Variants in RNPEP observed in about 807,000 individuals in gnomAD.
RNPEP encodes the protein aminopeptidase B.
A neutral mutation model predicts 70.1 loss-of-function variants in RNPEP; 57 were observed. The ratio of observed to expected loss-of-function variants is 0.81; its 90% CI spans 0.66 to 1.01. The LOEUF is 1.01. RNPEP is among the 50% of genes least tolerant of loss of function. The pLI is 0.00. For synonymous variants in RNPEP, 335 were observed against 357.4 expected, an observed-to-expected ratio of 0.94 and a Z score of 0.71; for missense variants, 787 against 852.4, an observed-to-expected ratio of 0.92 and a Z score of 0.96.
chr1:201,998,354 C>T (rs1280189152), intron 5 of RNPEP, among the ~76,000 whole-genome samples: 4 of 150,068 alleles, frequency 2.7e-5, no homozygotes, highest in Non-Finnish European at 5.9e-5. Context: ...TGCCTCAGCT[C>T]CCCCACATCC....
Position 201,996,170 on chromosome 1 carries a change from G to T in RNPEP, c.761G>T (p.Cys254Phe). Residue 254 changes from cysteine to phenylalanine, a missense_variant, in exon 4 of 11, where the codon TGC becomes TTC. Physicochemically the swap from Cys to Phe is radical, Grantham distance 205. Coordinates refer to ENST00000295640, the MANE Select transcript of RNPEP (RefSeq NM_020216.4). ...GPRSRVWAEP[C>F]LIDAAKEEYN... ...AGGAGCCGGGTGTGGGCTGAGCCCT[G>T]CCTGATTGATGCTGCCAAGGAGGAG... The T allele has an allele frequency of 3.7e-6, 6 of 1,614,154 alleles. No individual in the cohort carries two copies. Among genetic ancestry groups the T allele is most frequent in the South Asian group, 2.2e-5 (2 of 91,082 alleles).
intron 6 of RNPEP, 177 bp from the exon 7 acceptor site, chr1:202,001,197 TGA>T: frequency 1.7e-6 from 1 of 598,878 alleles, no homozygotes; most frequent in Non-Finnish European, 3.0e-6. Flanking sequence ...GTCTTGGCCT[TGA>T]GAGAGTCCAA....
In RNPEP at chr1:202,005,963, G is replaced by T. The variant is rs539782312; in HGVS notation, c.*247G>T. 8.2e-5 allele frequency: 41 copies of T among 497,130 alleles called. No homozygotes were observed. Among genetic ancestry groups the T allele is most frequent in the African/African-American group, 7.4e-4 (39 of 52,742 alleles). The allele number at this position is 497,130 out of a possible 1,614,324, so 30.8% of individuals were successfully genotyped here. A position where few individuals can be genotyped will look rare whatever the true frequency, so the allele number is the denominator to read the frequency against. On this transcript the variant is annotated 3_prime_UTR_variant, in exon 11 of 11. Coordinates refer to ENST00000295640, the MANE Select transcript of RNPEP (RefSeq NM_020216.4). Reference sequence around the variant, plus strand: ...CTCCCCGCTACAGGCTGCAGGCACTGCAGGGCAGCGGGTATTCTCCTCCCC... The same window carrying T: ...CTCCCCGCTACAGGCTGCAGGCACTTCAGGGCAGCGGGTATTCTCCTCCCC...
Position 202,003,434 on chromosome 1 carries a change from A to ATT in RNPEP, c.1625_1626insTT (p.Leu543SerfsTer12). The ATT allele has an allele frequency of 6.2e-7, 1 of 1,613,732 alleles. No individual in the cohort carries two copies. Among genetic ancestry groups the ATT allele is most frequent in the East Asian group, 2.2e-5 (1 of 44,868 alleles). On this transcript the variant is annotated frameshift_variant, in exon 9 of 11. Coordinates refer to ENST00000295640, the MANE Select transcript of RNPEP (RefSeq NM_020216.4). LOFTEE classifies it high-confidence loss of function. ...CCAGCTGGTCTACTTCCTGGATAAG[A>ATT]TCCTCCAGAAATCCCCTCTCCCTCC...
At chr1:202,003,510 CAG>C in intron 9 of RNPEP, 49 bp downstream of exon 9, 1 of 1,358,632 alleles carries the variant, frequency 7.4e-7, no homozygotes, top group South Asian at 1.2e-5. Flanking sequence ...AGCTTTATGT[CAG>C]GGGCTAGAGG....
chr1:202,000,357 A>T (rs1683747251), intron 6 of RNPEP: 3 of 200,168 alleles, frequency 1.5e-5, no homozygotes. Context: ...GCCTTATTTT[A>T]CAGAGGATGG....
intron 5 of RNPEP, among the ~76,000 whole-genome samples, chr1:201,998,015 G>A (rs1322201566): frequency 1.3e-5 from 2 of 152,074 alleles, no homozygotes; most frequent in East Asian, 1.9e-4. Context: ...CAACCTCCTC[G>A]GCCTCTCAAA....
At position 202,001,491 on chromosome 1, in the gene RNPEP, A is replaced by G; in HGVS notation, c.1317+3A>G. The G allele has an allele frequency of 6.3e-7, 1 of 1,596,566 alleles. No individual in the cohort carries two copies. ...ATCAGTTTGACAGTTTTCTCAAGGT[A>G]TAGTCACATGAGGGGAGAAGGAAGA... On this transcript the variant is annotated splice_donor_region_variant and intron_variant, in intron 7 of 10. Transcript: ENST00000295640.
chr1:201,991,922 T>C (rs1683349699), intron 3 of RNPEP, among the ~76,000 whole-genome samples: 1 of 152,134 alleles, frequency 6.6e-6, no homozygotes, highest in African/African-American at 2.4e-5. Context: ...TGCCGTCCCA[T>C]GATCTTTTTC....
rs34549362 is a variant in RNPEP, at chr1:201,998,230, C to CTTT, written c.1090+695_1090+697dup. On this transcript the variant is annotated intron_variant, in intron 5 of 10. Transcript: ENST00000295640. ...TAGAAACATAATTTCTGGGTCTGAA[C>CTTT]TTTTTTTTTTTTTTTTTTTTTGAGA... is the stretch of plus-strand genomic sequence containing the variant. Among the ~76,000 whole-genome samples, 146 of 116,610 alleles carry CTTT rather than the reference C, an allele frequency of 1.3e-3. 2 individuals carry two copies. The highest frequency in any genetic ancestry group is 3.8e-3 in the South Asian group (14 of 3,660). 76.5% of individuals were successfully genotyped at this position (116,610 alleles called of 152,430 possible).
In RNPEP at chr1:201,993,736, G is replaced by A. The variant is rs538371430; in HGVS notation, c.738-2411G>A. On this transcript the variant is annotated intron_variant, in intron 3 of 10. Transcript: ENST00000295640. ...GGAGCTTGCAGTGAGCCGAGATCGC[G>A]CCACTGCACTCCAGCCTGGGCAACA... 1.1e-4 allele frequency among the ~76,000 whole-genome samples: 17 copies of A among 151,720 alleles called. No individual in the cohort carries two copies. In the South Asian group the frequency reaches 1.7e-3, roughly 15 times the overall value.
At position 202,001,640 on chromosome 1, in the gene RNPEP, G is replaced by A. The variant is rs1314047641; in HGVS notation, c.1318-19G>A. 1 of 1,591,486 alleles carries A rather than the reference G, an allele frequency of 6.3e-7. No individual in the cohort carries two copies. ...CCCACGGGGCCAGAGAGGGTCTAAA[G>A]AGCTTTCCCTCCTCACAGGCCTATG... On this transcript the variant is annotated intron_variant, in intron 7 of 10. Coordinates refer to ENST00000295640, the MANE Select transcript of RNPEP (RefSeq NM_020216.4).
chr1:202,000,445 T>C (rs1035894555), intron 6 of RNPEP: 2 of 153,488 alleles, frequency 1.3e-5, no homozygotes, highest in Non-Finnish European at 2.9e-5. Flanking sequence ...GAGATCCGGG[T>C]CCTCTCTCCA....
At chr1:201,984,821 C>CTTTTTTTTTTTTTTTTTTTTTTT (rs200795347) in intron 1 of RNPEP, among the ~76,000 whole-genome samples, 4 of 121,994 alleles carry the variant, frequency 3.3e-5, no homozygotes, top group Non-Finnish European at 5.1e-5. Flanking sequence ...GTATTTCTTT[C>CTTTTTTTTTTTTTTTTTTTTTTT]TTTTTTTTTT....
chr1:201,996,462 TC>T, intron 4 of RNPEP, 199 bp downstream of exon 4: 1 of 563,142 alleles, frequency 1.8e-6, no homozygotes, highest in South Asian at 2.0e-5. Flanking sequence ...GAGATGAGGT[TC>T]TTTGTGTGTG....
chr1:201,989,638 G>A (rs1281093406), intron 3 of RNPEP, 107 bp downstream of exon 3: 8 of 1,205,542 alleles, frequency 6.6e-6, no homozygotes, highest in African/African-American at 1.5e-5. Context: ...TGGATCCTCT[G>A]TCTGAGTCCA....
In RNPEP at chr1:201,997,478, C is replaced by T. The variant is rs570330224; in HGVS notation, c.1014C>T (p.Asn338=). 134 of 1,614,118 alleles carry T rather than the reference C, an allele frequency of 8.3e-5. 1 individual carries two copies. Among genetic ancestry groups the T allele is most frequent in the African/African-American group, 2.0e-4 (15 of 75,014 alleles). ...SHSWFGNLVT[N]ANWGEFWLNE... Reference sequence around the variant, plus strand: ...GTTGGTTTGGGAACCTGGTCACCAACGCCAACTGGGGTGAATTCTGGCTCA... The same window carrying T: ...GTTGGTTTGGGAACCTGGTCACCAATGCCAACTGGGGTGAATTCTGGCTCA... Residue 338 remains asparagine (N), a synonymous_variant, in exon 5 of 11, where the codon AAC becomes AAT. Coordinates refer to ENST00000295640, the MANE Select transcript of RNPEP (RefSeq NM_020216.4).
rs1352685797 is a variant in RNPEP at position 202,004,429 on chromosome 1, G to A, written c.1727G>A (p.Gly576Asp). The change falls in exon 10 of 11, where the codon GGC becomes GAC. Residue 576 changes from glycine (G) to aspartate (D), a missense_variant. Coordinates refer to ENST00000295640, the MANE Select transcript of RNPEP (RefSeq NM_020216.4). ...AATGCAGAGCTCCGGCTGCGATGGGGCCAAATCGTCCTTAAGAACGACCAC... is the reference window on the plus strand; with the variant it reads ...AATGCAGAGCTCCGGCTGCGATGGGACCAAATCGTCCTTAAGAACGACCAC... ...ARNAELRLRWGQIVLKNDHQE... is the reference protein window; with the variant it reads ...ARNAELRLRWDQIVLKNDHQE... The A allele has an allele frequency of 5.0e-6, 8 of 1,614,048 alleles. No individual in the cohort carries two copies. In the African/African-American group the frequency reaches 8.0e-5, roughly 16 times the overall value.
At chr1:201,994,225 A>G (rs574749822) in intron 3 of RNPEP, among the ~76,000 whole-genome samples, 9 of 152,136 alleles carry the variant, frequency 5.9e-5, no homozygotes, top group African/African-American at 2.2e-4. Flanking sequence ...TTTCTTCTAC[A>G]TGCTTTCCTT....
Sources: allele counts gnomAD v4.1 joint callset (sites outside exome capture counted in the v4.1 genomes callset), GRCh38; gene constraint gnomAD v4.1.1; transcripts MANE v1.5; gene names NCBI Gene and HGNC (gene_info 2026-07-23, HGNC 2026-07-21).